The following OSBPL8 variants were observed in gnomAD, a reference collection of about 807,000 sequenced individuals.
The protein encoded by OSBPL8 is oxysterol-binding protein-related protein 8.
OSBPL8 carries 59 observed loss-of-function variants against 125.5 expected under a neutral mutation model. That is an observed-to-expected ratio of 0.47 (90% CI 0.38 to 0.58). The LOEUF (loss-of-function observed/expected upper bound fraction) is 0.58, where lower values mean the gene tolerates loss of function less well. OSBPL8 is among the 20% of genes least tolerant of loss of function. The probability of loss-of-function intolerance (pLI) is 0.00; values close to 1 mark genes in which losing one functional copy is unlikely to be tolerated. For synonymous variants in OSBPL8, 330 were observed against 338.9 expected (o/e 0.97, Z 0.29); for missense variants, 758 against 1,047.8 (o/e 0.72, Z 3.82).
At chr12:76,397,378 A>C (rs1330679559) in intron 8 of OSBPL8, among the ~76,000 whole-genome samples, 1 of 151,284 alleles carries the variant, frequency 6.6e-6, no homozygotes, top group African/African-American at 2.4e-5. Context: ...GTGGGAAAAA[A>C]AAAACCAACA....
At chr12:76,491,022 G>A (rs755248833) in intron 1 of OSBPL8, among the ~76,000 whole-genome samples, 1 of 152,194 alleles carries the variant, frequency 6.6e-6, no homozygotes, top group Non-Finnish European at 1.5e-5. Flanking sequence ...GTTTGATCCT[G>A]CTGACACTGA....
intron 1 of OSBPL8, among the ~76,000 whole-genome samples, chr12:76,549,574 C>A (rs1028735362): frequency 1.3e-5 from 2 of 152,196 alleles, no homozygotes; most frequent in African/African-American, 4.8e-5. Flanking sequence ...CCATGCCCAG[C>A]TAATTTTTAG....
chr12:76,391,901 G>T (rs2136299533), intron 10 of OSBPL8, among the ~76,000 whole-genome samples: 1 of 152,328 alleles, frequency 6.6e-6, no homozygotes, highest in Non-Finnish European at 1.5e-5. Flanking sequence ...CAATGCTGAT[G>T]AAAGTGGTTA....
At chr12:76,555,338 T>C (rs573078453) in intron 1 of OSBPL8, among the ~76,000 whole-genome samples, 2 of 152,244 alleles carry the variant, frequency 1.3e-5, no homozygotes, top group South Asian at 4.1e-4. Context: ...GCACTCCTTG[T>C]GGTCTGTAAC....
At chr12:76,414,627 T>C (rs1263592171) in intron 4 of OSBPL8, among the ~76,000 whole-genome samples, 5 of 151,702 alleles carry the variant, frequency 3.3e-5, no homozygotes, top group African/African-American at 1.2e-4. Context: ...TTTTTGTTGT[T>C]GTTGTTGTTG....
intron 10 of OSBPL8, among the ~76,000 whole-genome samples, chr12:76,391,650 C>G (rs921965344): frequency 3.3e-5 from 5 of 152,144 alleles, no homozygotes; most frequent in African/African-American, 1.2e-4. Context: ...GTAGTTCTCA[C>G]TACTGGGCAG....
chr12:76,496,369 A>G (rs1176508640), intron 1 of OSBPL8, among the ~76,000 whole-genome samples: 1 of 129,114 alleles, frequency 7.7e-6, no homozygotes, highest in Non-Finnish European at 1.7e-5. Context: ...AATGCTGTGT[A>G]ATTTTTTTTT....
chr12:76,464,356 T>C (rs1330602101), intron 2 of OSBPL8, among the ~76,000 whole-genome samples: 4 of 152,244 alleles, frequency 2.6e-5, no homozygotes, highest in Non-Finnish European at 5.9e-5. Context: ...CCACAGACAA[T>C]GTCCACACAG....
At chr12:76,466,058 T>C (rs990639198) in intron 2 of OSBPL8, among the ~76,000 whole-genome samples, 2 of 152,168 alleles carry the variant, frequency 1.3e-5, no homozygotes, top group African/African-American at 4.8e-5. Context: ...CATTATATAT[T>C]GGCTTTTAAA....
intron 1 of OSBPL8, among the ~76,000 whole-genome samples, chr12:76,545,663 T>C (rs191752833): frequency 2.0e-5 from 3 of 152,344 alleles, no homozygotes; most frequent in Admixed American, 1.3e-4. Flanking sequence ...AGGATGCTTC[T>C]GGGTTTTGAA....
chr12:76,410,659 G>C, intron 4 of OSBPL8, 25 bp from the exon 5 acceptor site: 1 of 1,457,236 alleles, frequency 6.9e-7, no homozygotes, highest in Non-Finnish European at 9.6e-7. Flanking sequence ...CAGCATATCA[G>C]TATTACTACT....
At chr12:76,550,555 T>C (rs1444853286) in intron 1 of OSBPL8, among the ~76,000 whole-genome samples, 1 of 152,148 alleles carries the variant, frequency 6.6e-6, no homozygotes, top group Admixed American at 6.5e-5. Context: ...GGGCCACCCA[T>C]AAAATACACT....
chr12:76,459,909 G>T lies in OSBPL8; in HGVS notation c.43-14C>A. On this transcript the variant is annotated splice_polypyrimidine_tract_variant and intron_variant, in intron 2 of 23. Transcript: ENST00000261183. ...ATCACCAAGAAGCTTTTAAGGCAGG[G>T]TAATTGAGCAGCAAACAAATACAGT... is the stretch of plus-strand genomic sequence containing the variant. 6.2e-7 allele frequency: 1 copy of T among 1,613,476 alleles called. No individual in the cohort carries two copies. The highest frequency in any genetic ancestry group is 8.5e-7 in the Non-Finnish European group (1 of 1,179,898).
In OSBPL8 at chr12:76,392,669, G is replaced by C; in HGVS notation, c.841C>G (p.His281Asp). The C allele has an allele frequency of 6.2e-7, 1 of 1,614,106 alleles. No individual in the cohort carries two copies. Among genetic ancestry groups the C allele is most frequent in the Non-Finnish European group, 8.5e-7 (1 of 1,179,964 alleles). The change falls in exon 10 of 24, where the codon CAT becomes GAT. Residue 281 changes from histidine to aspartate, a missense_variant. This residue lies in a region of OSBPL8 where 572 missense variants were observed against 762.0 expected (regional missense o/e 0.75). Transcript: ENST00000261183. The part of the protein sequence containing the change: ...KRTMIREGKE[H>D]DLSVSSDSTH... ...CTATCTGATGAAACGCTCAGGTCAT[G>C]TTCCTTTCCTTCTCTGATCATTGTA... is the stretch of plus-strand genomic sequence containing the variant.
chr12:76,369,706 T>G lies in OSBPL8; in HGVS notation c.2171A>C (p.Asn724Thr). 6.2e-7 allele frequency: 1 copy of G among 1,613,728 alleles called. No homozygotes were observed. Among genetic ancestry groups the G allele is most frequent in the Non-Finnish European group, 8.5e-7 (1 of 1,179,762 alleles). Residue 724 changes from asparagine to threonine, a missense_variant, in exon 20 of 24, where the codon AAT becomes ACT. Physicochemically the swap from Asn to Thr is moderately conservative, Grantham distance 65. Coordinates refer to ENST00000261183, the MANE Select transcript of OSBPL8 (RefSeq NM_020841.5). The part of the protein sequence containing the change: ...RQAARDRKTK[N>T]EEWSCKLFEL... ...AAATAATTTGCAAGACCACTCTTCA[T>G]TTTTTGTTTTCCGATCCCTGGCAGC...
rs552269787 is a variant in OSBPL8 at position 76,454,292 on chromosome 12, ATTTT to A, written c.80-3308_80-3305del. Among the ~76,000 whole-genome samples, 6 of 152,356 alleles carry A rather than the reference ATTTT, an allele frequency of 3.9e-5. 1 individual carries two copies. Among genetic ancestry groups the A allele is most frequent in the African/African-American group, 1.4e-4 (6 of 41,588 alleles). On this transcript the variant is annotated intron_variant, in intron 3 of 23. Coordinates refer to ENST00000261183, the MANE Select transcript of OSBPL8 (RefSeq NM_020841.5). ...AACATATTCATCAATTGAAAAATGA[ATTTT>A]AATAAATTCTGGCATATCCATATAA...
At chr12:76,548,367 G>T (rs1950841422) in intron 1 of OSBPL8, among the ~76,000 whole-genome samples, 2 of 152,134 alleles carry the variant, frequency 1.3e-5, no homozygotes, top group Admixed American at 1.3e-4. Context: ...CCCCAGGAAA[G>T]CATGATTATA....
In OSBPL8 at chr12:76,447,809, A is replaced by G. The variant is rs577924702; in HGVS notation, c.217+3042T>C. 3.5e-4 allele frequency among the ~76,000 whole-genome samples: 53 copies of G among 152,326 alleles called. 1 individual carries two copies. In the South Asian group the frequency reaches 0.011, roughly 32 times the overall value. Reference sequence around the variant, plus strand: ...TAATCCACCCGCCTTGGCCTCCCAAAGTGCTGGGATTACAGGCATGAGCCA... The same window carrying G: ...TAATCCACCCGCCTTGGCCTCCCAAGGTGCTGGGATTACAGGCATGAGCCA... On this transcript the variant is annotated intron_variant, in intron 4 of 23. Coordinates refer to ENST00000261183, the MANE Select transcript of OSBPL8 (RefSeq NM_020841.5).
chr12:76,363,137 C>G (rs1205883459), intron 21 of OSBPL8, among the ~76,000 whole-genome samples: 2 of 152,186 alleles, frequency 1.3e-5, no homozygotes, highest in African/African-American at 4.8e-5. Context: ...GTGCTATACC[C>G]CTCAAGCTAC....
Sources: gnomAD v4.1 joint callset for allele counts (sites outside exome capture counted in the v4.1 genomes callset) on GRCh38, gnomAD v4.1.1 for gene constraint, gnomAD v4.1.1 regional missense constraint, MANE v1.5 for transcripts, NCBI Gene and HGNC (gene_info 2026-07-23, HGNC 2026-07-21) for gene names.